FCHSD2: variants seen among roughly 807,000 people sequenced by gnomAD.
FCHSD2 encodes F-BAR and double SH3 domains protein 2.
In FCHSD2, 38 loss-of-function variants were observed where a neutral mutation model predicts 108.1. The observed-to-expected ratio is 0.35, with a 90% confidence interval of 0.27 to 0.46. FCHSD2 has a LOEUF of 0.46. Ranked by LOEUF, FCHSD2 falls within the 20% of genes least tolerant of loss-of-function variation. FCHSD2 has a pLI of 1.00. For missense variants in FCHSD2, 751 were observed against 897.8 expected (o/e 0.84, Z 2.09); for synonymous variants, 279 against 314.7 (o/e 0.89, Z 1.20).
chr11:72,964,491 A>G (rs1204832501), intron 8 of FCHSD2, among the ~76,000 whole-genome samples: 1 of 152,190 alleles, frequency 6.6e-6, no homozygotes, highest in African/African-American at 2.4e-5. Flanking sequence ...CATGCCTCTA[A>G]CAGTACACAT....
rs989330044 is a variant in FCHSD2, at chr11:72,837,569, G to C, written c.*1222C>G. ...GGACAGCAGACAGTCAGCACCTGAC[G>C]TGGGGGCACCTGCTGCTGCAGGCTT... On this transcript the variant is annotated 3_prime_UTR_variant, in exon 20 of 20. Transcript: ENST00000409418. The C allele has an allele frequency of 1.3e-5, 2 of 152,118 alleles. No homozygotes were observed. The highest frequency in any genetic ancestry group is 2.9e-5 in the Non-Finnish European group (2 of 68,026). The allele number at this position is 152,118 out of a possible 1,614,324, so 9.4% of individuals were successfully genotyped here.
intron 9 of FCHSD2, among the ~76,000 whole-genome samples, chr11:72,913,985 T>C (rs1459554646): frequency 6.6e-6 from 1 of 152,096 alleles, no homozygotes; most frequent in Non-Finnish European, 1.5e-5. Context: ...ATCAATATCA[T>C]AAAAATGGCC....
intron 9 of FCHSD2, among the ~76,000 whole-genome samples, chr11:72,904,495 G>A (rs4944019): frequency 0.95 from 144,850 of 152,258 alleles, 69,208 homozygotes; most frequent in East Asian, 1. Flanking sequence ...TCCCCTTATG[G>A]CCAATATTCT....
At chr11:72,957,084 C>T (rs1856727208) in intron 8 of FCHSD2, among the ~76,000 whole-genome samples, 1 of 149,360 alleles carries the variant, frequency 6.7e-6, no homozygotes, top group South Asian at 2.1e-4. Context: ...GCACATTGTG[C>T]AGGTTAATTA....
chr11:72,881,987 A>G (rs1210360580), intron 12 of FCHSD2, among the ~76,000 whole-genome samples: 1 of 151,992 alleles, frequency 6.6e-6, no homozygotes, highest in Non-Finnish European at 1.5e-5. Context: ...TAAAAATACA[A>G]AAACAAAATT....
intron 13 of FCHSD2, among the ~76,000 whole-genome samples, chr11:72,856,934 G>C (rs1346077488): frequency 1.3e-5 from 2 of 152,166 alleles, no homozygotes; most frequent in Admixed American, 6.5e-5. Context: ...TAAAAAAACA[G>C]TGGGTATTAC....
intron 8 of FCHSD2, among the ~76,000 whole-genome samples, chr11:72,952,434 C>A (rs1443163937): frequency 6.6e-6 from 1 of 151,950 alleles, no homozygotes; most frequent in African/African-American, 2.4e-5. Context: ...AAGTGATTCT[C>A]CTGCCTCAGC....
chr11:73,124,844 T>A lies in FCHSD2; in HGVS notation c.119+15187A>T, dbSNP rs564960284. On this transcript the variant is annotated intron_variant, in intron 2 of 19. Coordinates refer to ENST00000409418, the MANE Select transcript of FCHSD2 (RefSeq NM_014824.3). ...GAATGATGAACCCCAAACAAGATAA[T>A]TACAGACACTATACTAGTCACATTA... Among the ~76,000 whole-genome samples the A allele has an allele frequency of 5.0e-4, 76 of 151,542 alleles. No individual in the cohort carries two copies. In the Middle Eastern group the frequency reaches 0.01, roughly 20 times the overall value.
chr11:72,970,521 C>T (rs12418930), intron 8 of FCHSD2, among the ~76,000 whole-genome samples: 23,249 of 152,042 alleles, frequency 0.15, 2,383 homozygotes, highest in East Asian at 0.38. Context: ...GAATTCTTTC[C>T]TCAAGGTCAA....
intron 9 of FCHSD2, among the ~76,000 whole-genome samples, chr11:72,904,668 T>A (rs1855592119): frequency 1.3e-5 from 2 of 152,210 alleles, no homozygotes; most frequent in Non-Finnish European, 2.9e-5. Context: ...AAGCAACAAG[T>A]TCTCAAATTT....
intron 8 of FCHSD2, among the ~76,000 whole-genome samples, chr11:72,930,805 T>C (rs914356861): frequency 6.6e-6 from 1 of 151,982 alleles, no homozygotes; most frequent in Non-Finnish European, 1.5e-5. Context: ...TTTTAAAGGG[T>C]AGTAGGGGTT....
chr11:72,854,145 C>A (rs989125561), intron 13 of FCHSD2, among the ~76,000 whole-genome samples: 1 of 152,134 alleles, frequency 6.6e-6, no homozygotes, highest in Non-Finnish European at 1.5e-5. Flanking sequence ...TAAAATGGTA[C>A]AGCTGCTATG....
intron 2 of FCHSD2, among the ~76,000 whole-genome samples, chr11:73,094,009 A>C (rs1860018757): frequency 6.6e-6 from 1 of 152,092 alleles, no homozygotes; most frequent in African/African-American, 2.4e-5. Context: ...TCAGGAGTTC[A>C]AGCCCAGCCT....
chr11:73,044,566 G>A (rs1467225759), intron 3 of FCHSD2, among the ~76,000 whole-genome samples: 2 of 152,204 alleles, frequency 1.3e-5, no homozygotes, highest in East Asian at 3.9e-4. Context: ...GACAGAGTGA[G>A]ACCCCAGTCC....
At chr11:73,051,025 T>C (rs1158575305) in intron 3 of FCHSD2, among the ~76,000 whole-genome samples, 1 of 152,174 alleles carries the variant, frequency 6.6e-6, no homozygotes. Flanking sequence ...GGAAATATTT[T>C]AAAAATCTTG....
rs1326448493 is a variant in FCHSD2, at chr11:72,838,070, T to C, written c.*721A>G. 1 of 152,234 alleles carries C rather than the reference T, an allele frequency of 6.6e-6. No homozygotes were observed. Among genetic ancestry groups the C allele is most frequent in the Non-Finnish European group, 1.5e-5 (1 of 68,034 alleles). The allele number at this position is 152,234 out of a possible 1,614,324, so 9.4% of individuals were successfully genotyped here. On this transcript the variant is annotated 3_prime_UTR_variant, in exon 20 of 20. Coordinates refer to ENST00000409418, the MANE Select transcript of FCHSD2 (RefSeq NM_014824.3). ...TGCTTTAGCCACAGCCTCCTTTCTA[T>C]TAGTCTATGTGATGAACAAGATGTG...
chr11:72,916,639 T>C (rs1019231340), intron 9 of FCHSD2, among the ~76,000 whole-genome samples: 2 of 152,278 alleles, frequency 1.3e-5, no homozygotes, highest in African/African-American at 4.8e-5. Flanking sequence ...TTATATTGGG[T>C]TGTCTCTGAT....
intron 2 of FCHSD2, among the ~76,000 whole-genome samples, chr11:73,123,975 A>G (rs1351140088): frequency 6.6e-6 from 1 of 152,252 alleles, no homozygotes; most frequent in Non-Finnish European, 1.5e-5. Flanking sequence ...GGTGTAAGAA[A>G]GGGATCCAGT....
intron 4 of FCHSD2, among the ~76,000 whole-genome samples, chr11:73,002,438 A>C (rs576174911): frequency 6.6e-6 from 1 of 152,324 alleles, no homozygotes; most frequent in East Asian, 1.9e-4. Flanking sequence ...CCATGGCCTC[A>C]CTGCATGACA....
Sources: gnomAD v4.1 joint callset for allele counts (sites outside exome capture counted in the v4.1 genomes callset) on GRCh38, gnomAD v4.1.1 for gene constraint, MANE v1.5 for transcripts, NCBI Gene and HGNC (gene_info 2026-07-23, HGNC 2026-07-21) for gene names.